Variants in NUP93 observed in about 807,000 individuals in gnomAD.
NUP93 encodes nuclear pore complex protein Nup93.
In NUP93, 55 loss-of-function variants were observed where a neutral mutation model predicts 107.8. The observed-to-expected ratio is 0.51, with a 90% CI of 0.41 to 0.64. The LOEUF is 0.64. Among genes scored for constraint, NUP93 ranks in the 30% least tolerant of loss-of-function variants. The pLI is 0.00. For missense variants in NUP93, 937 were observed against 1,044.7 expected (o/e 0.90, Z 1.42); for synonymous variants, 390 against 397.5 (o/e 0.98, Z 0.22).
chr16:56,763,523 G>T (rs202115727), intron 3 of NUP93, among the ~76,000 whole-genome samples: 31 of 124,484 alleles, frequency 2.5e-4, no homozygotes, highest in Admixed American at 1.1e-3. Context: ...TGTATGTGTG[G>T]GTGTGTGTGT....
At chr16:56,822,686 G>A (rs1329817165) in intron 7 of NUP93, among the ~76,000 whole-genome samples, 12 of 150,418 alleles carry the variant, frequency 8.0e-5, no homozygotes, top group Non-Finnish European at 1.6e-4. Context: ...TCGGCCTCCC[G>A]AGTAGCTGGG....
At chr16:56,736,157 C>T (rs1306074195) in intron 1 of NUP93, among the ~76,000 whole-genome samples, 1 of 152,176 alleles carries the variant, frequency 6.6e-6, no homozygotes, top group Non-Finnish European at 1.5e-5. Flanking sequence ...TGGTGAAACA[C>T]CATCTCTACT....
intron 3 of NUP93, among the ~76,000 whole-genome samples, chr16:56,797,475 G>A (rs1168484743): frequency 6.6e-6 from 1 of 152,208 alleles, no homozygotes; most frequent in Non-Finnish European, 1.5e-5. Context: ...AGAGCAAGGT[G>A]TTGGCGGGGA....
At chr16:56,733,322 C>T (rs1427927483) in intron 1 of NUP93, among the ~76,000 whole-genome samples, 1 of 152,088 alleles carries the variant, frequency 6.6e-6, no homozygotes, top group Admixed American at 6.5e-5. Flanking sequence ...GAAAGACCTC[C>T]CTGACCATGG....
intron 8 of NUP93, among the ~76,000 whole-genome samples, chr16:56,826,730 A>AT (rs1300795568): frequency 1.3e-5 from 2 of 151,402 alleles, no homozygotes; most frequent in Non-Finnish European, 2.9e-5. Flanking sequence ...CTTGACGTGT[A>AT]TTTTTTTTCA....
chr16:56,802,869 A>G (rs374700440), intron 4 of NUP93, among the ~76,000 whole-genome samples: 70 of 152,330 alleles, frequency 4.6e-4, no homozygotes, highest in African/African-American at 1.7e-3. Flanking sequence ...CTGGTCTGCC[A>G]ATTGGAGAAT....
At chr16:56,829,696 T>C (rs1567408960) in intron 9 of NUP93, among the ~76,000 whole-genome samples, 1 of 152,278 alleles carries the variant, frequency 6.6e-6, no homozygotes. Flanking sequence ...CACAAATGCA[T>C]GGAGGCAGGA....
intron 3 of NUP93, among the ~76,000 whole-genome samples, chr16:56,789,614 C>T (rs16962049): frequency 0.02 from 3,121 of 152,370 alleles, 54 homozygotes; most frequent in South Asian, 0.06. Context: ...CGTCTGCTGC[C>T]ACCTGCTGAA....
chr16:56,761,119 A>G (rs1447776116), intron 3 of NUP93, among the ~76,000 whole-genome samples: 2 of 152,244 alleles, frequency 1.3e-5, no homozygotes, highest in Non-Finnish European at 2.9e-5. Flanking sequence ...CTAGTTTTGA[A>G]ATAAGTTCTC....
chr16:56,740,121 G>GC (rs1961696048), intron 1 of NUP93, among the ~76,000 whole-genome samples: 1 of 141,908 alleles, frequency 7.0e-6, no homozygotes, highest in African/African-American at 2.7e-5. Context: ...GCCAGGCGGG[G>GC]GGCTGACCCC....
chr16:56,829,217 T>A, intron 9 of NUP93, 108 bp downstream of exon 9: 1 of 1,353,280 alleles, frequency 7.4e-7, no homozygotes, highest in Admixed American at 2.3e-5. Context: ...TGTGTGGAGA[T>A]GGGACCAGAG....
intron 5 of NUP93, among the ~76,000 whole-genome samples, chr16:56,814,352 A>ATTTTTG (rs1321001406): frequency 1.3e-5 from 2 of 151,920 alleles, no homozygotes; most frequent in African/African-American, 4.8e-5. Flanking sequence ...CACCCAGCTA[A>ATTTTTG]TTTTTGTTTT....
At chr16:56,805,325 G>A in intron 4 of NUP93, 179 bp from the exon 5 acceptor site, 1 of 639,050 alleles carries the variant, frequency 1.6e-6, no homozygotes, top group Admixed American at 3.1e-5. Flanking sequence ...TGGGATTACA[G>A]GTGTAAACCA....
At chr16:56,808,025 A>C (rs1963182491) in intron 5 of NUP93, among the ~76,000 whole-genome samples, 2 of 144,970 alleles carry the variant, frequency 1.4e-5, no homozygotes, top group South Asian at 4.2e-4. Flanking sequence ...CCGTCTCAAA[A>C]AATATATATA....
intron 3 of NUP93, among the ~76,000 whole-genome samples, chr16:56,790,629 G>C (rs112946475): frequency 6.6e-6 from 1 of 152,136 alleles, no homozygotes; most frequent in Non-Finnish European, 1.5e-5. Flanking sequence ...TTTAGAAGAG[G>C]TCATTCATTT....
Position 56,836,644 on chromosome 16 carries a change from T to C in NUP93, c.1826T>C (p.Ile609Thr), listed in dbSNP as rs759630879. The change falls in exon 17 of 22, where the codon ATC becomes ACC. Residue 609 changes from isoleucine (I) to threonine (T), a missense_variant. Physicochemically the swap from Ile to Thr is moderately conservative, Grantham distance 89. Coordinates refer to ENST00000308159, the MANE Select transcript of NUP93 (RefSeq NM_014669.5). ...TTTACTAGTGACACAAAGCCTATTA[T>C]CAACAAAGTTGCTTCTGTGGCAGAA... ...DKFTSDTKPI[I>T]NKVASVAENK... 3 of 1,614,108 alleles carry C rather than the reference T, an allele frequency of 1.9e-6. No homozygotes were observed. The highest frequency in any genetic ancestry group is 1.3e-5 in the African/African-American group (1 of 75,052).
intron 3 of NUP93, among the ~76,000 whole-genome samples, chr16:56,794,171 CGT>C (rs1447287923): frequency 3.9e-5 from 6 of 152,000 alleles, no homozygotes; most frequent in Non-Finnish European, 1.5e-5. Context: ...AGACAGAACA[CGT>C]GTGTTTTTTA....
chr16:56,834,382 T>C lies in NUP93; in HGVS notation c.1677T>C (p.Asp559=), dbSNP rs1235342992. 2 of 1,614,112 alleles carry C rather than the reference T, an allele frequency of 1.2e-6. No individual in the cohort carries two copies. Among genetic ancestry groups the C allele is most frequent in the Non-Finnish European group, 1.7e-6 (2 of 1,180,050 alleles). The change falls in exon 15 of 22, where the codon GAT becomes GAC. Residue 559 remains aspartate (D), a synonymous_variant. Transcript: ENST00000308159. ...ATTTCCCTTACAGGGATGAGAAAGA[T>C]AGTCAAGGAGAAAACATGTTTCTGC... The part of the protein sequence containing the change: ...QYFYFLRDEK[D]SQGENMFLRC...
In NUP93 at chr16:56,847,767, G is replaced by A. The variant is rs1362277107; in HGVS notation, c.*3158G>A. On this transcript the variant is annotated 3_prime_UTR_variant, in exon 22 of 22. Coordinates refer to ENST00000308159, the MANE Select transcript of NUP93 (RefSeq NM_014669.5). The stretch of plus-strand genomic sequence containing the variant: ...AGCTGGGCGGGCTCATCAAAGAGCA[G>A]GAAGTGCCCATTTTACACTGGGGCC... 6.6e-6 allele frequency: 1 copy of A among 152,192 alleles called. No individual in the cohort carries two copies. Among genetic ancestry groups the A allele is most frequent in the Non-Finnish European group, 1.5e-5 (1 of 68,050 alleles). 9.4% of individuals were successfully genotyped at this position (152,192 alleles called of 1,614,324 possible).
Sources: gnomAD v4.1 joint callset for allele counts (sites outside exome capture counted in the v4.1 genomes callset) on GRCh38, gnomAD v4.1.1 for gene constraint, MANE v1.5 for transcripts, NCBI Gene and HGNC (gene_info 2026-07-23, HGNC 2026-07-21) for gene names.